The following DOP1A variants were observed in gnomAD, a reference collection of about 807,000 sequenced individuals.
DOP1A encodes the protein DOP1 leucine zipper like protein A.
In DOP1A, 90 loss-of-function variants were observed where a neutral mutation model predicts 267.6. The ratio of observed to expected loss-of-function variants is 0.34; its 90% CI spans 0.28 to 0.40. The LOEUF is 0.40. DOP1A is among the 10% of genes least tolerant of loss of function. The pLI, the probability that DOP1A is intolerant of heterozygous loss-of-function variation, is 1.00. For missense variants in DOP1A, 2,437 were observed against 2,900.4 expected (o/e 0.84, Z 3.67); for synonymous variants, 932 against 999.1 (o/e 0.93, Z 1.27).
intron 1 of DOP1A, among the ~76,000 whole-genome samples, chr6:83,077,757 T>A (rs1767358525): frequency 1.3e-5 from 2 of 152,332 alleles, no homozygotes; most frequent in East Asian, 3.9e-4. Flanking sequence ...ATGTAAGCCA[T>A]GTTTCTAAAT....
intron 38 of DOP1A, chr6:83,167,366 C>G: frequency 1.0e-6 from 1 of 985,224 alleles, no homozygotes; most frequent in Non-Finnish European, 1.2e-6. Context: ...TAATTATTCA[C>G]TTTGGACACT....
chr6:83,132,269 G>A lies in DOP1A; in HGVS notation c.2710G>A (p.Val904Ile). ...ACTATTTTATCAATTACATAACTTA[G>A]TTCCTTCTTCTAGCATCTGTGAGGA... is the stretch of plus-strand genomic sequence containing the variant. Reference protein sequence around the residue: ...VELFYQLHNLVPSSSICEDVI... With the variant: ...VELFYQLHNLIPSSSICEDVI... Residue 904 changes from valine to isoleucine, a missense_variant, in exon 18 of 39, where the codon GTT becomes ATT. Val to Ile is a conservative substitution (Grantham distance 29). Around this residue, in one of 9 missense-constraint regions of DOP1A, gnomAD observed 878 missense variants for 992.9 expected, o/e 0.88. Transcript: ENST00000349129. 1 of 1,613,670 alleles carries A rather than the reference G, an allele frequency of 6.2e-7. No individual in the cohort carries two copies.
chr6:83,119,054 T>G lies in DOP1A; in HGVS notation c.880+67T>G, dbSNP rs902815076. On this transcript the variant is annotated intron_variant, in intron 8 of 38. Coordinates refer to ENST00000349129, the MANE Select transcript of DOP1A (RefSeq NM_015018.4). Reference sequence around the variant, plus strand: ...GAGGGAGATTTGTCATGTATAAGTATTACCAAGTTGTATGTATGTCCTGAA... The same window carrying G: ...GAGGGAGATTTGTCATGTATAAGTAGTACCAAGTTGTATGTATGTCCTGAA... 10 of 1,382,178 alleles carry G rather than the reference T, an allele frequency of 7.2e-6. No individual in the cohort carries two copies. The Admixed American group carries it at 1.0e-4, about 14-fold the overall frequency. 85.6% of individuals were successfully genotyped at this position (1,382,178 alleles called of 1,614,324 possible).
chr6:83,163,171 A>G (rs150574167), intron 38 of DOP1A, among the ~76,000 whole-genome samples: 1 of 152,330 alleles, frequency 6.6e-6, no homozygotes, highest in African/African-American at 2.4e-5. Flanking sequence ...TTTGTACATT[A>G]ATAACATCTA....
At position 83,109,097 on chromosome 6, in the gene DOP1A, T is replaced by G; in HGVS notation, c.491+17T>G. 6.2e-7 allele frequency: 1 copy of G among 1,601,446 alleles called. No individual in the cohort carries two copies. Among genetic ancestry groups the G allele is most frequent in the South Asian group, 1.1e-5 (1 of 89,766 alleles). ...CTATGAGAGGTAAGATCATATTTGG[T>G]GCAGTTATGTAATTGAAGTCATGGA... On this transcript the variant is annotated intron_variant, in intron 5 of 38. Transcript: ENST00000349129.
Position 83,139,092 on chromosome 6 carries a change from C to T in DOP1A, c.5050C>T (p.Leu1684=). ...VLQRVVVSVT[L]QLCRNLDNLI... ...GCAGAGAGTGGTTGTTTCTGTGACA[C>T]TACAACTGTGCAGAAATTTAGATAA... Residue 1684 remains leucine, a synonymous_variant, in exon 21 of 39, where the codon CTA becomes TTA. Transcript: ENST00000349129. 1.2e-6 allele frequency: 2 copies of T among 1,613,932 alleles called. No homozygotes were observed. The highest frequency in any genetic ancestry group is 1.7e-6 in the Non-Finnish European group (2 of 1,179,846).
In DOP1A at chr6:83,096,938, A is replaced by G. The variant is rs140713365; in HGVS notation, c.-40A>G. ...ACTCTTTTGTAGGTAATGACTTTACATGAGTTTGGAACTGGTCTCTAGTGG... is the reference window on the plus strand; with the variant it reads ...ACTCTTTTGTAGGTAATGACTTTACGTGAGTTTGGAACTGGTCTCTAGTGG... On this transcript the variant is annotated 5_prime_UTR_variant, in exon 3 of 39. An upstream start codon of the reference 5' UTR is lost. Coordinates refer to ENST00000349129, the MANE Select transcript of DOP1A (RefSeq NM_015018.4). 3.6e-4 allele frequency: 578 copies of G among 1,602,486 alleles called. 4 individuals are homozygous for G. The African/African-American group carries it at 6.9e-3, about 19-fold the overall frequency.
At position 83,130,175 on chromosome 6, in the gene DOP1A, C is replaced by G; in HGVS notation, c.2394C>G (p.Cys798Trp). ...PQWLQTLMNA[C>W]SQASDFSVQS... The stretch of plus-strand genomic sequence containing the variant: ...GGCTCCAGACTCTGATGAATGCTTG[C>G]AGCCAAGCAAGTGATTTCAGTGTTC... Residue 798 changes from cysteine (C) to tryptophan (W), a missense_variant, in exon 17 of 39, where the codon TGC becomes TGG. Around this residue, in one of 9 missense-constraint regions of DOP1A, gnomAD observed 878 missense variants for 992.9 expected, o/e 0.88. Transcript: ENST00000349129. The G allele has an allele frequency of 2.5e-6, 4 of 1,614,080 alleles. No homozygotes were observed. The highest frequency in any genetic ancestry group is 3.4e-6 in the Non-Finnish European group (4 of 1,179,978).
chr6:83,137,077 AATG>A, intron 20 of DOP1A, 93 bp from the exon 21 acceptor site: 4 of 1,144,990 alleles, frequency 3.5e-6, no homozygotes, highest in Non-Finnish European at 4.7e-6. Flanking sequence ...TGATGACACT[AATG>A]ATTAAAAATT....
rs1327562607 is a variant in DOP1A, at chr6:83,140,084, G to A, written c.5205G>A (p.Leu1735=). ...EGITAIIHYC[L]LDPTTQYHQL... is the part of the protein sequence containing the mutation. ...TTACAGCCATTATCCATTACTGTTT[G>A]TTGGATCCAACTACACAGTATCACC... is the stretch of plus-strand genomic sequence containing the variant. The change falls in exon 22 of 39, where the codon TTG becomes TTA. Residue 1735 remains leucine (L), a synonymous_variant. Coordinates refer to ENST00000349129, the MANE Select transcript of DOP1A (RefSeq NM_015018.4). 4 of 1,613,168 alleles carry A rather than the reference G, an allele frequency of 2.5e-6. No individual in the cohort carries two copies. In the African/African-American group the frequency reaches 5.3e-5, roughly 22 times the overall value.
Position 83,168,170 on chromosome 6 carries a change from A to G in DOP1A, c.*3A>G, listed in dbSNP as rs1309056378. On this transcript the variant is annotated 3_prime_UTR_variant, in exon 39 of 39. Coordinates refer to ENST00000349129, the MANE Select transcript of DOP1A (RefSeq NM_015018.4). Reference sequence around the variant, plus strand: ...TGGAAGGGATGATAAAAACTTGAGCACCATTGCTGGTTCCATTTAGCTTAC... The same window carrying G: ...TGGAAGGGATGATAAAAACTTGAGCGCCATTGCTGGTTCCATTTAGCTTAC... 3 of 1,608,816 alleles carry G rather than the reference A, an allele frequency of 1.9e-6. No homozygotes were observed. The highest frequency in any genetic ancestry group is 2.7e-5 in the African/African-American group (2 of 74,516).
intron 4 of DOP1A, among the ~76,000 whole-genome samples, chr6:83,106,794 T>A (rs1178879035): frequency 8.1e-6 from 1 of 123,776 alleles, no homozygotes; most frequent in African/African-American, 2.9e-5. Flanking sequence ...GGCAACAGAG[T>A]GAGAGTCCAT....
Position 83,140,363 on chromosome 6 carries a change from C to T in DOP1A, c.5375C>T (p.Ala1792Val). 1 of 1,612,394 alleles carries T rather than the reference C, an allele frequency of 6.2e-7. No homozygotes were observed. Among genetic ancestry groups the T allele is most frequent in the Non-Finnish European group, 8.5e-7 (1 of 1,179,638 alleles). The part of the protein sequence containing the change: ...ADSSEKMTIA[A>V]SASLTTINLG... ...TCTTCAGAAAAGATGACTATTGCCGCATCCGCATCTCTTACCACTATTAAT... is the reference window on the plus strand; with the variant it reads ...TCTTCAGAAAAGATGACTATTGCCGTATCCGCATCTCTTACCACTATTAAT... The change falls in exon 23 of 39, where the codon GCA becomes GTA. Residue 1792 changes from alanine (A) to valine (V), a missense_variant. Coordinates refer to ENST00000349129, the MANE Select transcript of DOP1A (RefSeq NM_015018.4).
In DOP1A at chr6:83,118,963, C is replaced by T. The variant is rs1192473489; in HGVS notation, c.856C>T (p.Arg286Ter). 1.9e-6 allele frequency: 3 copies of T among 1,613,442 alleles called. No individual in the cohort carries two copies. The highest frequency in any genetic ancestry group is 1.3e-5 in the African/African-American group (1 of 74,982). ...GCTAAGGAGGGATATGTCTCTGAAT[C>T]GAAGACTTTATGCATGGCTTCTTGG... ...VVLRRDMSLN[R>*]RLYAWLLGFD... The change falls in exon 8 of 39, where the codon CGA (arginine) becomes TGA (stop). Residue 286 changes from arginine (R) to a stop codon, truncating the protein, a stop_gained. Transcript: ENST00000349129. LOFTEE classifies it high-confidence loss of function.
At chr6:83,142,322 A>AC (rs2128284570) in intron 24 of DOP1A, among the ~76,000 whole-genome samples, 2 of 152,240 alleles carry the variant, frequency 1.3e-5, no homozygotes, top group Admixed American at 1.3e-4. Context: ...AGCCTGGCCA[A>AC]CATAGTGAAA....
In DOP1A at chr6:83,140,353, A is replaced by T. The variant is rs777306085; in HGVS notation, c.5365A>T (p.Thr1789Ser). 1.9e-6 allele frequency: 3 copies of T among 1,612,956 alleles called. No homozygotes were observed. Among genetic ancestry groups the T allele is most frequent in the Non-Finnish European group, 2.5e-6 (3 of 1,179,774 alleles). The change falls in exon 23 of 39, where the codon ACT becomes TCT. Residue 1789 changes from threonine to serine, a missense_variant. This residue lies in a region of DOP1A where 307 missense variants were observed against 308.6 expected (regional missense o/e 0.99). Transcript: ENST00000349129. ...TCAAGCTGATTCTTCAGAAAAGATG[A>T]CTATTGCCGCATCCGCATCTCTTAC... is the stretch of plus-strand genomic sequence containing the variant. ...LHQADSSEKMTIAASASLTTI... is the reference protein window; with the variant it reads ...LHQADSSEKMSIAASASLTTI...
At chr6:83,161,724 T>G (rs996159186) in intron 37 of DOP1A, among the ~76,000 whole-genome samples, 4 of 152,208 alleles carry the variant, frequency 2.6e-5, no homozygotes, top group African/African-American at 9.6e-5. Context: ...ATTCTTATTC[T>G]TGTTGGAAGT....
chr6:83,125,046 T>C (rs1165418760), intron 13 of DOP1A, 120 bp from the exon 14 acceptor site: 1 of 955,938 alleles, frequency 1.0e-6, no homozygotes, highest in Non-Finnish European at 1.6e-6. Context: ...ATCTTAACTG[T>C]TTAGTGTATA....
chr6:83,150,327 T>C (rs767414790), intron 27 of DOP1A, among the ~76,000 whole-genome samples: 2 of 152,188 alleles, frequency 1.3e-5, no homozygotes, highest in Non-Finnish European at 2.9e-5. Context: ...CATCACCAAA[T>C]AACCCTGCTG....
Sources: gnomAD v4.1 joint callset for allele counts (sites outside exome capture counted in the v4.1 genomes callset) on GRCh38, gnomAD v4.1.1 for gene constraint, gnomAD v4.1.1 regional missense constraint, MANE v1.5 for transcripts, NCBI Gene and HGNC (gene_info 2026-07-23, HGNC 2026-07-21) for gene names.